TGIF1: variants seen among roughly 807,000 people sequenced by gnomAD.
TGIF1 encodes the protein TGFB induced factor homeobox 1.
Under a neutral mutation model 19.3 loss-of-function variants are expected in TGIF1, and 4 were observed. That is an observed-to-expected ratio of 0.21 (90% confidence interval 0.10 to 0.47). TGIF1 has a LOEUF of 0.47. Ranked by LOEUF, TGIF1 falls within the 20% of genes least tolerant of loss-of-function variation. The pLI is 0.98. For synonymous variants in TGIF1, 122 were observed against 129.3 expected, an observed-to-expected ratio of 0.94 and a Z score of 0.38; for missense variants, 275 against 341.4, an observed-to-expected ratio of 0.81 and a Z score of 1.53.
intron 2 of TGIF1, among the ~76,000 whole-genome samples, chr18:3,422,753 T>G (rs867304666): frequency 3.6e-4 from 50 of 140,080 alleles, no homozygotes; most frequent in African/African-American, 1.2e-3. Context: ...TGCAGTGGCG[T>G]GATCTCCGCT....
intron 1 of TGIF1, chr18:3,452,214 T>G: frequency 6.3e-7 from 1 of 1,587,582 alleles, no homozygotes; most frequent in Non-Finnish European, 8.6e-7. Context: ...GGGGTCCTCC[T>G]GCGCCCCCCC....
At chr18:3,444,613 G>A (rs1432913364) in intron 2 of TGIF1, among the ~76,000 whole-genome samples, 1 of 152,052 alleles carries the variant, frequency 6.6e-6, no homozygotes, top group Admixed American at 6.6e-5. Flanking sequence ...GTACATAAAG[G>A]TTTTGTTTGT....
In TGIF1 at chr18:3,450,264, C is replaced by A; in HGVS notation, c.-226C>A. On this transcript the variant is annotated 5_prime_UTR_variant, in exon 1 of 3. Coordinates refer to ENST00000343820, the MANE Select transcript of TGIF1 (RefSeq NM_003244.4). ...AGTTGGGCGAGGGAGAGCCCCCGGC[C>A]GGCTGCCAGAAGATCCCGGCGGGAG... 7.0e-7 allele frequency: 1 copy of A among 1,432,624 alleles called. No homozygotes were observed. Among genetic ancestry groups the A allele is most frequent in the Admixed American group, 2.9e-5 (1 of 34,964 alleles). The allele number at this position is 1,432,624 out of a possible 1,614,324, so 88.7% of individuals were successfully genotyped here.
chr18:3,429,081 G>A (rs1412121693), intron 2 of TGIF1, among the ~76,000 whole-genome samples: 2 of 152,038 alleles, frequency 1.3e-5, no homozygotes, highest in African/African-American at 4.8e-5. Context: ...TTATAGAGAC[G>A]GGCCTTGCTC....
chr18:3,428,469 G>A (rs925177554), intron 2 of TGIF1, among the ~76,000 whole-genome samples: 5 of 151,870 alleles, frequency 3.3e-5, no homozygotes, highest in Admixed American at 2.6e-4. Flanking sequence ...GTATGGTGGC[G>A]GCTCATGCCT....
At chr18:3,428,292 G>A (rs1376457969) in intron 2 of TGIF1, among the ~76,000 whole-genome samples, 1 of 152,162 alleles carries the variant, frequency 6.6e-6, no homozygotes, top group Non-Finnish European at 1.5e-5. Flanking sequence ...CCAAATGGGA[G>A]GTTCACAGGA....
chr18:3,430,919 C>T (rs546476790), intron 2 of TGIF1, among the ~76,000 whole-genome samples: 1 of 152,264 alleles, frequency 6.6e-6, no homozygotes, highest in Non-Finnish European at 1.5e-5. Context: ...GAGCCTAAAA[C>T]AATCTGAGAC....
intron 2 of TGIF1, among the ~76,000 whole-genome samples, chr18:3,431,915 G>C (rs555643710): frequency 1.3e-5 from 2 of 152,278 alleles, no homozygotes; most frequent in South Asian, 4.1e-4. Context: ...CAGATGATGA[G>C]GTCAAGAGAT....
chr18:3,412,544 T>G (rs1201326900), intron 1 of TGIF1, among the ~76,000 whole-genome samples: 1 of 152,162 alleles, frequency 6.6e-6, no homozygotes, highest in Non-Finnish European at 1.5e-5. Flanking sequence ...ATAGGGAAAA[T>G]GCACTCTAAA....
At chr18:3,448,269 G>C, upstream of TGIF1, 1 of 985,328 alleles carries the variant, frequency 1.0e-6, no homozygotes. Context: ...TCCTCCCTGC[G>C]TCTCTCCTCC....
intron 2 of TGIF1, among the ~76,000 whole-genome samples, chr18:3,433,868 C>G (rs375401751): frequency 6.6e-6 from 1 of 152,198 alleles, no homozygotes; most frequent in African/African-American, 2.4e-5. Context: ...TAAAATTGGT[C>G]AAAATGGTAT....
At chr18:3,449,538 T>TTGGC, upstream of TGIF1, 21 of 961,802 alleles carry the variant, frequency 2.2e-5, no homozygotes, top group South Asian at 4.9e-5. Context: ...GTCTCATCAT[T>TTGGC]CCCCCCCGCC....
chr18:3,445,777 A>G (rs1489839875), upstream of TGIF1, among the ~76,000 whole-genome samples: 2 of 141,078 alleles, frequency 1.4e-5, no homozygotes, highest in East Asian at 4.0e-4. Flanking sequence ...AAAAAAAAAA[A>G]AAAAAAAAAA....
At chr18:3,425,510 A>G (rs2082454772) in intron 2 of TGIF1, among the ~76,000 whole-genome samples, 1 of 152,180 alleles carries the variant, frequency 6.6e-6, no homozygotes, top group African/African-American at 2.4e-5. Context: ...TCACTATTGT[A>G]GAGTTTAAGA....
At chr18:3,447,764 G>A (rs745855451), upstream of TGIF1, 1 of 1,614,186 alleles carries the variant, frequency 6.2e-7, no homozygotes, top group Non-Finnish European at 8.5e-7. Context: ...CAAAAGTTGT[G>A]CATTGGCCCG....
chr18:3,413,875 T>C (rs2082299569), intron 1 of TGIF1, among the ~76,000 whole-genome samples: 1 of 152,228 alleles, frequency 6.6e-6, no homozygotes, highest in Non-Finnish European at 1.5e-5. Flanking sequence ...AGTACAGTTG[T>C]ATCTTAAAGT....
Position 3,457,268 on chromosome 18 carries a change from C to T in TGIF1, c.244-97C>T. 7.9e-7 allele frequency: 1 copy of T among 1,272,846 alleles called. No individual in the cohort carries two copies. The highest frequency in any genetic ancestry group is 1.9e-5 in the Admixed American group (1 of 51,452). 78.8% of individuals were successfully genotyped at this position (1,272,846 alleles called of 1,614,324 possible). ...AAGGCTTTTCATGCTTTCTTTAATT[C>T]AGAGAGCAAGATCAATTAGGTACCC... On this transcript the variant is annotated intron_variant, in intron 2 of 2. Coordinates refer to ENST00000343820, the MANE Select transcript of TGIF1 (RefSeq NM_003244.4). The surrounding 1 kb of genome is among the most constrained non-coding windows in gnomAD (Gnocchi z 4.9).
intron 2 of TGIF1, among the ~76,000 whole-genome samples, chr18:3,442,053 T>C (rs1330239261): frequency 1.3e-5 from 2 of 152,218 alleles, no homozygotes; most frequent in East Asian, 3.8e-4. Flanking sequence ...TGAAAATCAC[T>C]TTGAATTTAA....
upstream of TGIF1, among the ~76,000 whole-genome samples, chr18:3,445,764 G>GAAAA (rs1568041656): frequency 1.7e-4 from 4 of 24,110 alleles, no homozygotes; most frequent in African/African-American, 4.4e-4. Context: ...GAGAAGAAAA[G>GAAAA]CAAAAAAAAA....
Sources: gnomAD v4.1 joint callset for allele counts (sites outside exome capture counted in the v4.1 genomes callset) on GRCh38, gnomAD v4.1.1 for gene constraint, Gnocchi (gnomAD v3.1) non-coding constraint, MANE v1.5 for transcripts, NCBI Gene and HGNC (gene_info 2026-07-23, HGNC 2026-07-21) for gene names.